Variants in CDK5RAP1 observed in about 807,000 individuals in gnomAD.
The protein encoded by CDK5RAP1 is mitochondrial tRNA methylthiotransferase CDK5RAP1.
CDK5RAP1 carries 62 observed loss-of-function variants against 64.5 expected under a neutral mutation model. That is an observed-to-expected ratio of 0.96 (90% CI 0.78 to 1.19). CDK5RAP1 has a LOEUF of 1.19. Among genes scored for constraint, CDK5RAP1 ranks in the 50% most tolerant of loss-of-function variants. The pLI is 0.00. For synonymous variants in CDK5RAP1, 250 were observed against 261.9 expected (o/e 0.95, Z 0.44); for missense variants, 657 against 735.0 (o/e 0.89, Z 1.23).
intron 8 of CDK5RAP1, among the ~76,000 whole-genome samples, chr20:33,376,970 G>C (rs1986078011): frequency 6.6e-6 from 1 of 152,094 alleles, no homozygotes; most frequent in African/African-American, 2.4e-5. Flanking sequence ...TCATTCTTAA[G>C]GGCCCTAGGA....
At chr20:33,388,436 C>G (rs1049959375) in intron 5 of CDK5RAP1, among the ~76,000 whole-genome samples, 1 of 152,008 alleles carries the variant, frequency 6.6e-6, no homozygotes, top group Non-Finnish European at 1.5e-5. Flanking sequence ...TGCAAGCAAC[C>G]CAAGTGTCTA....
intron 8 of CDK5RAP1, among the ~76,000 whole-genome samples, chr20:33,377,049 A>G (rs1986090489): frequency 6.6e-6 from 1 of 152,052 alleles, no homozygotes; most frequent in South Asian, 2.1e-4. Context: ...CTAACAAGAG[A>G]GTCTGGCTGG....
chr20:33,376,256 A>C (rs1030397688), intron 8 of CDK5RAP1, among the ~76,000 whole-genome samples: 4 of 152,128 alleles, frequency 2.6e-5, no homozygotes, highest in African/African-American at 9.7e-5. Flanking sequence ...CCTGGGAGGC[A>C]GAGGTTGCAG....
chr20:33,362,647 C>T (rs1487429928), intron 12 of CDK5RAP1, among the ~76,000 whole-genome samples: 1 of 151,968 alleles, frequency 6.6e-6, no homozygotes, highest in Non-Finnish European at 1.5e-5. Context: ...GCAAAAATAA[C>T]AATGATTTAG....
chr20:33,387,663 T>A (rs530280057), intron 5 of CDK5RAP1, 130 bp from the exon 6 acceptor site: 1 of 678,960 alleles, frequency 1.5e-6, no homozygotes, highest in Non-Finnish European at 2.5e-6. Flanking sequence ...GAATTGAGTA[T>A]CATCCTTCAA....
At chr20:33,385,543 G>T in intron 7 of CDK5RAP1, 107 bp downstream of exon 7, 1 of 1,327,088 alleles carries the variant, frequency 7.5e-7, no homozygotes, top group Non-Finnish European at 1.0e-6. Flanking sequence ...GCCAGGCATG[G>T]TCCTAAACTT....
chr20:33,372,142 A>C (rs1475769732), intron 10 of CDK5RAP1, among the ~76,000 whole-genome samples: 1 of 152,150 alleles, frequency 6.6e-6, no homozygotes, highest in Admixed American at 6.5e-5. Flanking sequence ...TTCTCTCCAT[A>C]TTATGCTTAA....
At chr20:33,367,117 A>G (rs1459468586) in intron 11 of CDK5RAP1, 109 bp from the exon 12 acceptor site, 1 of 1,077,236 alleles carries the variant, frequency 9.3e-7, no homozygotes, top group African/African-American at 1.6e-5. Flanking sequence ...AGTAACAGAC[A>G]CATGTACAGA....
intron 2 of CDK5RAP1, among the ~76,000 whole-genome samples, chr20:33,395,607 A>C (rs991514358): frequency 3.9e-5 from 6 of 152,268 alleles, no homozygotes; most frequent in Non-Finnish European, 7.4e-5. Context: ...TCAAACAAAC[A>C]AAAAAATATA....
chr20:33,374,103 A>G lies in CDK5RAP1; in HGVS notation c.1205+12T>C. On this transcript the variant is annotated intron_variant, in intron 9 of 13. Transcript: ENST00000346416. Reference sequence around the variant, plus strand: ...AAAAGTGAGGGATGCCCCCTCTCCAAGCAAGCCTGACCCCCTCCGCATGGC... The same window carrying G: ...AAAAGTGAGGGATGCCCCCTCTCCAGGCAAGCCTGACCCCCTCCGCATGGC... 2 of 1,598,950 alleles carry G rather than the reference A, an allele frequency of 1.3e-6. No individual in the cohort carries two copies. Among genetic ancestry groups the G allele is most frequent in the Non-Finnish European group, 1.7e-6 (2 of 1,166,662 alleles).
intron 9 of CDK5RAP1, chr20:33,372,926 T>C (rs1201618942): frequency 3.0e-6 from 1 of 331,228 alleles, no homozygotes; most frequent in Non-Finnish European, 5.5e-6. Flanking sequence ...TTTTTTTTTT[T>C]TTTTGAGACA....
intron 6 of CDK5RAP1, among the ~76,000 whole-genome samples, chr20:33,386,342 G>A (rs1355000038): frequency 1.3e-5 from 2 of 152,152 alleles, no homozygotes; most frequent in African/African-American, 2.4e-5. Flanking sequence ...GATTACAGGC[G>A]TGAGCCACTG....
At chr20:33,393,810 A>G (rs1319601424) in intron 4 of CDK5RAP1, among the ~76,000 whole-genome samples, 2 of 152,168 alleles carry the variant, frequency 1.3e-5, no homozygotes, top group Non-Finnish European at 2.9e-5. Flanking sequence ...TGATCATTAA[A>G]TTTGTTAATG....
intron 8 of CDK5RAP1, among the ~76,000 whole-genome samples, chr20:33,376,992 G>A (rs1038286585): frequency 1.3e-5 from 2 of 152,088 alleles, no homozygotes; most frequent in South Asian, 2.1e-4. Flanking sequence ...TTTCAGAATG[G>A]CAAATCAACA....
At chr20:33,390,378 A>C (rs1473302111) in intron 5 of CDK5RAP1, among the ~76,000 whole-genome samples, 1 of 152,178 alleles carries the variant, frequency 6.6e-6, no homozygotes, top group Non-Finnish European at 1.5e-5. Flanking sequence ...AAAAAAGACA[A>C]AATTGTATGG....
intron 12 of CDK5RAP1, among the ~76,000 whole-genome samples, chr20:33,365,597 TAAAAAAAAAAA>T (rs11471267): frequency 1.3e-4 from 10 of 78,372 alleles, no homozygotes; most frequent in Middle Eastern, 8.1e-3. Flanking sequence ...CTCTATAATG[TAAAAAAAAAAA>T]AAAAAAAAAA....
At position 33,394,043 on chromosome 20, in the gene CDK5RAP1, T is replaced by A; in HGVS notation, c.432A>T (p.Thr144=). 1 of 1,593,590 alleles carries A rather than the reference T, an allele frequency of 6.3e-7. No homozygotes were observed. The highest frequency in any genetic ancestry group is 8.6e-7 in the Non-Finnish European group (1 of 1,161,442). The part of the protein sequence containing the change: ...LQEADVILLV[T]CSIREKAEQT... The stretch of plus-strand genomic sequence containing the variant: ...GAACAAATTCGCACCTGATAGAGCA[T>A]GTGACAAGGAGAATCACATCTGCCT... Residue 144 remains threonine (T), a synonymous_variant, in exon 4 of 14, where the codon ACA becomes ACT. Transcript: ENST00000346416.
At chr20:33,382,856 C>T (rs889092343) in intron 7 of CDK5RAP1, among the ~76,000 whole-genome samples, 3 of 146,234 alleles carry the variant, frequency 2.1e-5, no homozygotes, top group Admixed American at 1.4e-4. Context: ...CAGAACAAGA[C>T]TCTGTCTCAA....
chr20:33,400,557 G>A (rs1464536134), intron 1 of CDK5RAP1, among the ~76,000 whole-genome samples: 2 of 152,154 alleles, frequency 1.3e-5, no homozygotes, highest in Admixed American at 6.6e-5. Context: ...AACCCAACTT[G>A]AGATACAGTA....
Sources: allele counts gnomAD v4.1 joint callset (sites outside exome capture counted in the v4.1 genomes callset), GRCh38; gene constraint gnomAD v4.1.1; transcripts MANE v1.5; gene names NCBI Gene and HGNC (gene_info 2026-07-23, HGNC 2026-07-21).